SSC5D: variants seen among roughly 807,000 people sequenced by gnomAD.
SSC5D encodes the protein scavenger receptor cysteine rich family member with 5 domains.
Under a neutral mutation model 104.6 loss-of-function variants are expected in SSC5D, and 106 were observed. That is an observed-to-expected ratio of 1.01 (90% confidence interval 0.87 to 1.19). SSC5D has a LOEUF of 1.19. Ranked by LOEUF, SSC5D falls within the 50% of genes most tolerant of loss-of-function variation. SSC5D has a pLI of 0.00. For synonymous variants in SSC5D, 860 were observed against 883.5 expected (o/e 0.97, Z 0.47); for missense variants, 1,993 against 2,153.8 (o/e 0.93, Z 1.48).
chr19:55,519,073 C>A lies in SSC5D; in HGVS notation c.*75C>A. On this transcript the variant is annotated 3_prime_UTR_variant, in exon 14 of 14. Coordinates refer to ENST00000389623, the MANE Select transcript of SSC5D (RefSeq NM_001144950.2). ...AAAACAAAAAAAACCCCCAAAGTAT[C>A]TAATTAAAAACAAGGTGTGAATGGT... The A allele has an allele frequency of 1.4e-6, 2 of 1,436,470 alleles. No individual in the cohort carries two copies. The highest frequency in any genetic ancestry group is 1.9e-6 in the Non-Finnish European group (2 of 1,071,664). The allele number at this position is 1,436,470 out of a possible 1,614,324, so 89.0% of individuals were successfully genotyped here.
intron 13 of SSC5D, among the ~76,000 whole-genome samples, chr19:55,515,187 G>T (rs1422545019): frequency 6.6e-6 from 1 of 150,852 alleles, no homozygotes; most frequent in African/African-American, 2.4e-5. Flanking sequence ...TGAGGTCGGG[G>T]GTTCAAGACT....
At position 55,493,630 on chromosome 19, in the gene SSC5D, C is replaced by A. The variant is rs1392156817; in HGVS notation, c.931C>A (p.His311Asn). 2 of 1,489,754 alleles carry A rather than the reference C, an allele frequency of 1.3e-6. No individual in the cohort carries two copies. Among genetic ancestry groups the A allele is most frequent in the East Asian group, 5.2e-5 (2 of 38,210 alleles). 92.3% of individuals were successfully genotyped at this position (1,489,754 alleles called of 1,614,324 possible). A position where few individuals can be genotyped will look rare whatever the true frequency, so the allele number is the denominator to read the frequency against. Residue 311 changes from histidine (H) to asparagine (N), a missense_variant, in exon 7 of 14, where the codon CAC becomes AAC. By Grantham distance (68) the His-to-Asn change is moderately conservative (BLOSUM62 1). Transcript: ENST00000389623. ...TCGGCTGCGCCTGGCCGATGGCCCC[C>A]ACGGGTGCGCCGGCCGCCTGGAGGT... is the stretch of plus-strand genomic sequence containing the variant. ...APRLRLADGP[H>N]GCAGRLEVWH...
At position 55,500,704 on chromosome 19, in the gene SSC5D, G is replaced by A. The variant is rs1253961369; in HGVS notation, c.2517G>A (p.Met839Ile). 2 of 1,551,694 alleles carry A rather than the reference G, an allele frequency of 1.3e-6. No individual in the cohort carries two copies. The highest frequency in any genetic ancestry group is 2.0e-5 in the Admixed American group (1 of 51,002). Residue 839 changes from methionine (M) to isoleucine (I), a missense_variant, in exon 11 of 14, where the codon ATG becomes ATA. Met to Ile is a conservative substitution (Grantham distance 10, BLOSUM62 1). Coordinates refer to ENST00000389623, the MANE Select transcript of SSC5D (RefSeq NM_001144950.2). The surrounding 1 kb of genome is among the most constrained non-coding windows in gnomAD (Gnocchi z 4.6). ...PGTGPIWLDD[M>I]GCKGSEASLS... Reference sequence around the variant, plus strand: ...CTGGGCCCATCTGGCTGGATGACATGGGCTGTAAGGGAAGCGAGGCCTCAC... The same window carrying A: ...CTGGGCCCATCTGGCTGGATGACATAGGCTGTAAGGGAAGCGAGGCCTCAC...
rs1206373316 is a variant in SSC5D at position 55,500,603 on chromosome 19, G to A, written c.2416G>A (p.Ala806Thr). ...TGATGACAACTGGGACCTGCGGGAC[G>A]CCACTGTGGCCTGCTGGGAACTGGG... ...VCDDNWDLRDATVACWELGCG... is the reference protein window; with the variant it reads ...VCDDNWDLRDTTVACWELGCG... Residue 806 changes from alanine (A) to threonine (T), a missense_variant, in exon 11 of 14, where the codon GCC (alanine) becomes ACC (threonine). Around this residue, in one of 6 missense-constraint regions of SSC5D, gnomAD observed 70 missense variants for 107.1 expected, o/e 0.65. Coordinates refer to ENST00000389623, the MANE Select transcript of SSC5D (RefSeq NM_001144950.2). This position sits in a 1 kb window ranked among gnomAD's most constrained non-coding sequence, Gnocchi z 4.6. 6.4e-6 allele frequency: 10 copies of A among 1,551,640 alleles called. No homozygotes were observed. Among genetic ancestry groups the A allele is most frequent in the South Asian group, 3.6e-5 (3 of 84,070 alleles).
At chr19:55,494,533 T>A in intron 7 of SSC5D, 77 bp from the exon 8 acceptor site, 1 of 1,408,618 alleles carries the variant, frequency 7.1e-7, no homozygotes, top group Non-Finnish European at 9.4e-7. Context: ...TGAGGAAGGA[T>A]GACGCAGGAG....
At chr19:55,514,139 C>A (rs890883951) in intron 13 of SSC5D, among the ~76,000 whole-genome samples, 9 of 152,152 alleles carry the variant, frequency 5.9e-5, no homozygotes, top group Non-Finnish European at 1.0e-4. Flanking sequence ...GCTGCAATGG[C>A]TGACGCCTGT....
At position 55,491,071 on chromosome 19, in the gene SSC5D, G is replaced by A; in HGVS notation, c.886G>A (p.Val296Ile). 2 of 1,549,368 alleles carry A rather than the reference G, an allele frequency of 1.3e-6. No homozygotes were observed. The highest frequency in any genetic ancestry group is 1.7e-6 in the Non-Finnish European group (2 of 1,146,400). ...NCDHSEDAGLVCTGPAPRLRL... is the reference protein window; with the variant it reads ...NCDHSEDAGLICTGPAPRLRL... Reference sequence around the variant, plus strand: ...TGACCACAGCGAGGATGCGGGGCTGGTCTGCACCGGTACGTCGGGCTGGGG... The same window carrying A: ...TGACCACAGCGAGGATGCGGGGCTGATCTGCACCGGTACGTCGGGCTGGGG... Residue 296 changes from valine to isoleucine, a missense_variant, in exon 6 of 14, where the codon GTC becomes ATC. Around this residue, in one of 6 missense-constraint regions of SSC5D, gnomAD observed 1,101 missense variants for 1,085.0 expected, o/e 1.01. Coordinates refer to ENST00000389623, the MANE Select transcript of SSC5D (RefSeq NM_001144950.2).
At position 55,517,203 on chromosome 19, in the gene SSC5D, CTG is replaced by C. The variant is rs761172873; in HGVS notation, c.2948-19_2948-18del. The C allele has an allele frequency of 2.0e-6, 3 of 1,529,196 alleles. No homozygotes were observed. The South Asian group carries it at 3.6e-5, about 18-fold the overall frequency. 94.7% of individuals were successfully genotyped at this position (1,529,196 alleles called of 1,614,324 possible). On this transcript the variant is annotated intron_variant, in intron 13 of 13. Transcript: ENST00000389623. Reference sequence around the variant, plus strand: ...AGCCGGTTGACCTCAGACCGTCCGTCTGTCTTTCCTCCTCCTCCAGGTTCCCC... The same window carrying C: ...AGCCGGTTGACCTCAGACCGTCCGTCTCTTTCCTCCTCCTCCAGGTTCCCC...
intron 7 of SSC5D, 81 bp downstream of exon 7, chr19:55,493,993 G>GGGT (rs1349791844): frequency 8.1e-6 from 2 of 247,912 alleles, no homozygotes; most frequent in Non-Finnish European, 1.6e-5. Flanking sequence ...GGGGCGGGGG[G>GGGT]GTCCCTACGC....
chr19:55,515,396 C>CAAAAA lies in SSC5D; in HGVS notation c.2948-1811_2948-1807dup, dbSNP rs71181781. On this transcript the variant is annotated intron_variant, in intron 13 of 13. Transcript: ENST00000389623. ...GGGCAACAGGAGTGAAACTCCGTCT[C>CAAAAA]AAAAAAAAAAAAAAAAAAAAAGTTA... is the stretch of plus-strand genomic sequence containing the variant. Among the ~76,000 whole-genome samples the CAAAAA allele has an allele frequency of 6.1e-3, 524 of 86,554 alleles. 8 individuals carry two copies. Among genetic ancestry groups the CAAAAA allele is most frequent in the African/African-American group, 0.025 (482 of 19,266 alleles). The allele number at this position is 86,554 out of a possible 152,430, so 56.8% of individuals were successfully genotyped here. A position where few individuals can be genotyped will look rare whatever the true frequency, so the allele number is the denominator to read the frequency against.
Position 55,488,531 on chromosome 19 carries a change from T to A in SSC5D, c.-59T>A. The stretch of plus-strand genomic sequence containing the variant: ...CCTCCCTCTCTCCCCAGCTGCCTCC[T>A]CCTCTTCTCTCCCCGCTCTCCTTCC... On this transcript the variant is annotated 5_prime_UTR_variant, in exon 1 of 14. Coordinates refer to ENST00000389623, the MANE Select transcript of SSC5D (RefSeq NM_001144950.2). The A allele has an allele frequency of 6.7e-7, 1 of 1,481,642 alleles. No homozygotes were observed. Among genetic ancestry groups the A allele is most frequent in the African/African-American group, 1.4e-5 (1 of 70,634 alleles). 91.8% of individuals were successfully genotyped at this position (1,481,642 alleles called of 1,614,324 possible). A position where few individuals can be genotyped will look rare whatever the true frequency, so the allele number is the denominator to read the frequency against.
In SSC5D at chr19:55,497,878, AG is replaced by A. The variant is rs776576783; in HGVS notation, c.1389del. The A allele has an allele frequency of 3.9e-6, 6 of 1,529,614 alleles. No homozygotes were observed. The highest frequency in any genetic ancestry group is 5.3e-6 in the Non-Finnish European group (6 of 1,132,044). The allele number at this position is 1,529,614 out of a possible 1,614,324, so 94.8% of individuals were successfully genotyped here. A position where few individuals can be genotyped will look rare whatever the true frequency, so the allele number is the denominator to read the frequency against. ...TAATTCTTTGGGTCTCTTCTACCCC[AG>A]GGTCCCCCCAGCTGCGCCTGGTGGC... On this transcript the variant is annotated splice_acceptor_variant, in intron 8 of 13. Transcript: ENST00000389623. LOFTEE classifies it high-confidence loss of function.
At position 55,503,643 on chromosome 19, in the gene SSC5D, G is replaced by A. The variant is rs1297152681; in HGVS notation, c.2785+2442G>A. Among the ~76,000 whole-genome samples the A allele has an allele frequency of 2.0e-5, 3 of 152,082 alleles. No individual in the cohort carries two copies. Among genetic ancestry groups the A allele is most frequent in the Admixed American group, 6.5e-5 (1 of 15,268 alleles). On this transcript the variant is annotated intron_variant, in intron 12 of 13. Coordinates refer to ENST00000389623, the MANE Select transcript of SSC5D (RefSeq NM_001144950.2). This position sits in a 1 kb window ranked among gnomAD's most constrained non-coding sequence, Gnocchi z 4.0. The stretch of plus-strand genomic sequence containing the variant: ...GCGTTTCTGTCCTCCCTCTGTGCCC[G>A]TCGCAGTCGCTGTTTCTCCGTCTTC...
chr19:55,489,687 CA>C, intron 3 of SSC5D, 25 bp downstream of exon 3: 1 of 1,525,224 alleles, frequency 6.6e-7, no homozygotes, highest in South Asian at 1.2e-5. Flanking sequence ...GCTGCTCCTT[CA>C]GGGGGAGCTC....
At position 55,489,337 on chromosome 19, in the gene SSC5D, A is replaced by C; in HGVS notation, c.53-17A>C. On this transcript the variant is annotated splice_polypyrimidine_tract_variant and intron_variant, in intron 2 of 13. Coordinates refer to ENST00000389623, the MANE Select transcript of SSC5D (RefSeq NM_001144950.2). Reference sequence around the variant, plus strand: ...AGGATGCCCCTCCCCAGTCACAGCCATTCCTCCAACCCTCAGAGCGCCTGC... The same window carrying C: ...AGGATGCCCCTCCCCAGTCACAGCCCTTCCTCCAACCCTCAGAGCGCCTGC... 1 of 1,430,922 alleles carries C rather than the reference A, an allele frequency of 7.0e-7. No individual in the cohort carries two copies. The highest frequency in any genetic ancestry group is 9.1e-7 in the Non-Finnish European group (1 of 1,098,870). The allele number at this position is 1,430,922 out of a possible 1,614,324, so 88.6% of individuals were successfully genotyped here. A position where few individuals can be genotyped will look rare whatever the true frequency, so the allele number is the denominator to read the frequency against.
Position 55,499,660 on chromosome 19 carries a change from T to C in SSC5D, c.1706-156T>C, listed in dbSNP as rs75585245. 8.9e-3 allele frequency among the ~76,000 whole-genome samples: 1,352 copies of C among 152,256 alleles called. 48 individuals carry two copies. In the East Asian group the frequency reaches 0.12, roughly 14 times the overall value. ...CCGAGGGTCTAATATGGTGTGTGGC[T>C]CATAGGAGGTGCTCAATAAATATTT... On this transcript the variant is annotated intron_variant, in intron 9 of 13. Transcript: ENST00000389623.
chr19:55,506,929 G>T (rs570649612), intron 12 of SSC5D, among the ~76,000 whole-genome samples: 2 of 152,138 alleles, frequency 1.3e-5, no homozygotes, highest in South Asian at 2.1e-4. Flanking sequence ...CACTTAGGGA[G>T]GCTGAGGCAG....
intron 4 of SSC5D, 25 bp downstream of exon 4, chr19:55,490,020 A>G (rs1219026796): frequency 6.6e-7 from 1 of 1,504,988 alleles, no homozygotes; most frequent in African/African-American, 1.4e-5. Context: ...CTGCCCTGCC[A>G]ACCCCCACCC....
At chr19:55,516,696 T>A (rs1452433218) in intron 13 of SSC5D, among the ~76,000 whole-genome samples, 1 of 152,128 alleles carries the variant, frequency 6.6e-6, no homozygotes, top group Non-Finnish European at 1.5e-5. Context: ...TGAGCTATGA[T>A]CTTGCCACCG....
Sources: allele counts gnomAD v4.1 joint callset (sites outside exome capture counted in the v4.1 genomes callset), GRCh38; gene constraint gnomAD v4.1.1; regional missense constraint gnomAD v4.1.1; non-coding constraint Gnocchi (gnomAD v3.1); transcripts MANE v1.5; gene names NCBI Gene and HGNC (gene_info 2026-07-23, HGNC 2026-07-21).